Variants in STK39 observed in about 807,000 individuals in gnomAD.
The protein encoded by STK39 is serine/threonine kinase 39, also known as STE20/SPS1-related proline-alanine-rich protein kinase.
STK39 carries 20 observed loss-of-function variants against 77.8 expected under a neutral mutation model. The ratio of observed to expected loss-of-function variants is 0.26; its 90% CI spans 0.18 to 0.37. The LOEUF (loss-of-function observed/expected upper bound fraction) is 0.37, where lower values mean the gene tolerates loss of function less well. Among genes scored for constraint, STK39 ranks in the 10% least tolerant of loss-of-function variants. The pLI, the probability that STK39 is intolerant of heterozygous loss-of-function variation, is 1.00. For synonymous variants in STK39, 246 were observed against 234.1 expected, an observed-to-expected ratio of 1.05 and a Z score of -0.47; for missense variants, 479 against 656.5, an observed-to-expected ratio of 0.73 and a Z score of 2.95.
chr2:168,004,529 G>A (rs750252509), intron 16 of STK39, among the ~76,000 whole-genome samples: 4 of 151,930 alleles, frequency 2.6e-5, no homozygotes, highest in South Asian at 4.1e-4. Context: ...TCAGGAGATC[G>A]AGACCATTCT....
Position 168,247,556 on chromosome 2 carries a change from GCCGCCGTCC to G in STK39, c.-130_-122del. 3 of 745,106 alleles carry G rather than the reference GCCGCCGTCC, an allele frequency of 4.0e-6. No individual in the cohort carries two copies. The highest frequency in any genetic ancestry group is 5.2e-6 in the Non-Finnish European group (3 of 581,734). The allele number at this position is 745,106 out of a possible 1,614,324, so 46.2% of individuals were successfully genotyped here. On this transcript the variant is annotated 5_prime_UTR_variant, in exon 1 of 18. Coordinates refer to ENST00000355999, the MANE Select transcript of STK39 (RefSeq NM_013233.3). Reference sequence around the variant, plus strand: ...CACGCCCTCCCCGCCCGCCGCCGCCGCCGCCGTCCCCGCCGAAGCCAGCTAGGAGGGGAG... The same window carrying G: ...CACGCCCTCCCCGCCCGCCGCCGCCGCCGCCGAAGCCAGCTAGGAGGGGAG...
chr2:168,220,751 A>G (rs779836778), intron 1 of STK39, among the ~76,000 whole-genome samples: 30 of 152,194 alleles, frequency 2.0e-4, no homozygotes, highest in African/African-American at 6.0e-4. Context: ...TCTGGATGCA[A>G]TAAAAACTTT....
At chr2:168,025,809 C>T (rs540891491) in intron 14 of STK39, among the ~76,000 whole-genome samples, 37 of 152,328 alleles carry the variant, frequency 2.4e-4, no homozygotes, top group African/African-American at 8.9e-4. Context: ...GCCAAGCTGA[C>T]GGCTGCTCTG....
At chr2:168,236,141 A>T (rs1011003052) in intron 1 of STK39, among the ~76,000 whole-genome samples, 1 of 151,754 alleles carries the variant, frequency 6.6e-6, no homozygotes, top group Non-Finnish European at 1.5e-5. Flanking sequence ...TTTAATGATC[A>T]CCATTCTAAC....
At chr2:168,182,976 T>TA (rs1183513099) in intron 1 of STK39, among the ~76,000 whole-genome samples, 2 of 152,316 alleles carry the variant, frequency 1.3e-5, no homozygotes, top group East Asian at 3.9e-4. Flanking sequence ...TCTTTCTCCC[T>TA]AAAGTTTTTC....
intron 1 of STK39, among the ~76,000 whole-genome samples, chr2:168,234,098 C>G (rs1210582034): frequency 6.6e-6 from 1 of 152,214 alleles, no homozygotes; most frequent in African/African-American, 2.4e-5. Context: ...TGATGCCTGT[C>G]TCCTTTTTGT....
chr2:168,231,760 G>A (rs1420796875), intron 1 of STK39, among the ~76,000 whole-genome samples: 3 of 152,026 alleles, frequency 2.0e-5, no homozygotes, highest in Non-Finnish European at 4.4e-5. Flanking sequence ...TCCCTACCAC[G>A]TGTCTGGGTG....
rs539019531 is a variant in STK39 at position 168,195,972 on chromosome 2, G to C, written c.209-13882C>G. Among the ~76,000 whole-genome samples, 18 of 152,242 alleles carry C rather than the reference G, an allele frequency of 1.2e-4. 1 individual carries two copies. In the South Asian group the frequency reaches 3.5e-3, roughly 30 times the overall value. ...GTGGAGATTGCAGTGGGCCAAGATCGTGCCATTGCACTCCAGCCTGGGCTA... is the reference window on the plus strand; with the variant it reads ...GTGGAGATTGCAGTGGGCCAAGATCCTGCCATTGCACTCCAGCCTGGGCTA... On this transcript the variant is annotated intron_variant, in intron 1 of 17. Coordinates refer to ENST00000355999, the MANE Select transcript of STK39 (RefSeq NM_013233.3).
intron 10 of STK39, among the ~76,000 whole-genome samples, chr2:168,101,299 T>TGGC (rs1686818223): frequency 1.3e-5 from 2 of 152,174 alleles, no homozygotes; most frequent in African/African-American, 4.8e-5. Flanking sequence ...GGCACATGTA[T>TGGC]ACCTATGTAA....
intron 10 of STK39, among the ~76,000 whole-genome samples, chr2:168,078,963 G>T (rs540242491): frequency 2.4e-4 from 36 of 152,232 alleles, no homozygotes; most frequent in Middle Eastern, 3.4e-3. Flanking sequence ...CACCTATCAA[G>T]AACCTACTGC....
At chr2:168,187,114 A>G (rs1689229248) in intron 1 of STK39, among the ~76,000 whole-genome samples, 1 of 152,200 alleles carries the variant, frequency 6.6e-6, no homozygotes, top group Admixed American at 6.5e-5. Context: ...GCACTTTGGG[A>G]GGCCAAGGCA....
chr2:168,013,822 GTGTGTGTGTGTGTA>G (rs368007653), intron 15 of STK39, among the ~76,000 whole-genome samples: 78 of 112,330 alleles, frequency 6.9e-4, no homozygotes, highest in African/African-American at 1.7e-3. Context: ...GTGTGTGTGT[GTGTGTGTGTGTGTA>G]TGTGTTTGCA....
intron 12 of STK39, among the ~76,000 whole-genome samples, chr2:168,067,816 C>T (rs1202841110): frequency 6.6e-6 from 1 of 152,140 alleles, no homozygotes; most frequent in Non-Finnish European, 1.5e-5. Flanking sequence ...ATAGGATGGA[C>T]ATTTGAGAGA....
intron 1 of STK39, among the ~76,000 whole-genome samples, chr2:168,239,729 G>T (rs1332894951): frequency 6.6e-6 from 1 of 152,216 alleles, no homozygotes; most frequent in Admixed American, 6.5e-5. Context: ...GACATGCAGG[G>T]TAGGGAGATG....
intron 10 of STK39, among the ~76,000 whole-genome samples, chr2:168,108,483 G>C (rs1180045536): frequency 1.3e-5 from 2 of 152,080 alleles, no homozygotes; most frequent in East Asian, 3.9e-4. Flanking sequence ...GGGAGGTCAA[G>C]AGTGCAGTGA....
At position 168,083,686 on chromosome 2, in the gene STK39, T is replaced by G. The variant is rs533241906; in HGVS notation, c.1090-8455A>C. The stretch of plus-strand genomic sequence containing the variant: ...CAAAAACTTAGCACATTCTACTGAC[T>G]CATGTAATGTGGCTGGGTCACAAGA... On this transcript the variant is annotated intron_variant, in intron 10 of 17. Coordinates refer to ENST00000355999, the MANE Select transcript of STK39 (RefSeq NM_013233.3). 2.6e-5 allele frequency among the ~76,000 whole-genome samples: 4 copies of G among 152,148 alleles called. No homozygotes were observed. The South Asian group carries it at 6.2e-4, about 24-fold the overall frequency.
At chr2:168,183,063 A>G (rs990325817) in intron 1 of STK39, among the ~76,000 whole-genome samples, 3 of 152,208 alleles carry the variant, frequency 2.0e-5, no homozygotes, top group African/African-American at 7.2e-5. Flanking sequence ...GCAACAAGAG[A>G]GATCAGTATT....
At chr2:168,108,294 T>C (rs1574471105) in intron 10 of STK39, among the ~76,000 whole-genome samples, 1 of 152,202 alleles carries the variant, frequency 6.6e-6, no homozygotes, top group East Asian at 1.9e-4. Context: ...CAGTGAATGA[T>C]GCCTGTAATC....
At chr2:168,189,156 G>C (rs936837810) in intron 1 of STK39, among the ~76,000 whole-genome samples, 1 of 152,214 alleles carries the variant, frequency 6.6e-6, no homozygotes, top group Non-Finnish European at 1.5e-5. Context: ...TGGCCACTCA[G>C]TGAAATGTAC....
Sources: allele counts gnomAD v4.1 joint callset (sites outside exome capture counted in the v4.1 genomes callset), GRCh38; gene constraint gnomAD v4.1.1; transcripts MANE v1.5; gene names NCBI Gene and HGNC (gene_info 2026-07-23, HGNC 2026-07-21).